CYP4Z1: variants seen among roughly 807,000 people sequenced by gnomAD.
The protein encoded by CYP4Z1 is cytochrome P450 family 4 subfamily Z member 1.
In CYP4Z1, 41 loss-of-function variants were observed where a neutral mutation model predicts 54.2. That is an observed-to-expected ratio of 0.76 (90% CI 0.59 to 0.98). The LOEUF (loss-of-function observed/expected upper bound fraction) is 0.98. Among genes scored for constraint, CYP4Z1 ranks in the 50% least tolerant of loss-of-function variants. CYP4Z1 has a pLI of 0.00. For missense variants in CYP4Z1, 513 were observed against 599.0 expected, an observed-to-expected ratio of 0.86 and a Z score of 1.50; for synonymous variants, 163 against 206.2, an observed-to-expected ratio of 0.79 and a Z score of 1.79.
At chr1:47,116,839 A>G (rs1213188018) in intron 11 of CYP4Z1, 107 bp downstream of exon 11, 12 of 789,586 alleles carry the variant, frequency 1.5e-5, no homozygotes, top group Middle Eastern at 2.4e-4. Context: ...GTTGCTCCCC[A>G]TTATTTTACC....
the CYP4Z1 span, among the ~76,000 whole-genome samples, chr1:47,055,737 TTTC>T: frequency 6.6e-6 from 1 of 152,208 alleles, no homozygotes; most frequent in Non-Finnish European, 1.5e-5. Flanking sequence ...CTGATGGTAG[TTTC>T]TATTTCTGTG....
chr1:47,089,341 C>T (rs1444638934), intron 6 of CYP4Z1, among the ~76,000 whole-genome samples: 14 of 150,852 alleles, frequency 9.3e-5, no homozygotes, highest in Non-Finnish European at 1.3e-4. Flanking sequence ...TTTTAAGTTC[C>T]GAGGTATATG....
At chr1:47,103,285 T>G (rs1352100504) in intron 8 of CYP4Z1, among the ~76,000 whole-genome samples, 2 of 151,928 alleles carry the variant, frequency 1.3e-5, no homozygotes, top group Admixed American at 6.6e-5. Flanking sequence ...GCTCAAGCAG[T>G]CTTCCTGTTT....
intron 8 of CYP4Z1, among the ~76,000 whole-genome samples, chr1:47,104,711 C>G (rs1392515228): frequency 1.3e-5 from 2 of 152,114 alleles, no homozygotes; most frequent in African/African-American, 4.8e-5. Flanking sequence ...AGGGCAGTCT[C>G]TAGGGCCCTA....
At chr1:47,101,375 T>C (rs1644720304) in intron 8 of CYP4Z1, among the ~76,000 whole-genome samples, 1 of 152,178 alleles carries the variant, frequency 6.6e-6, no homozygotes, top group Admixed American at 6.5e-5. Flanking sequence ...GTTTTTGCTG[T>C]AGGCACTTAT....
intron 9 of CYP4Z1, among the ~76,000 whole-genome samples, chr1:47,112,051 A>G: frequency 6.6e-6 from 1 of 152,186 alleles, no homozygotes; most frequent in Non-Finnish European, 1.5e-5. Flanking sequence ...AACAACTGGA[A>G]ATAAATCAGT....
chr1:47,085,396 C>A (rs1221017509), intron 6 of CYP4Z1, among the ~76,000 whole-genome samples: 1 of 152,122 alleles, frequency 6.6e-6, no homozygotes, highest in Non-Finnish European at 1.5e-5. Flanking sequence ...CTGAGTATTC[C>A]TTTTGCATGG....
In CYP4Z1 at chr1:47,068,643, G is replaced by A. The variant is rs1326871510; in HGVS notation, c.199G>A (p.Glu67Lys). 3 of 1,614,010 alleles carry A rather than the reference G, an allele frequency of 1.9e-6. No individual in the cohort carries two copies. In the Admixed American group the frequency reaches 5.0e-5, roughly 27 times the overall value. ...ACAGTTTTACCCAGTAAAGGAGTTTGAGGTGTATCATAAGCTGATGGAAAA... is the reference window on the plus strand; with the variant it reads ...ACAGTTTTACCCAGTAAAGGAGTTTAAGGTGTATCATAAGCTGATGGAAAA... ...HKEFYPVKEF[E>K]VYHKLMEKYP... Residue 67 changes from glutamate (E) to lysine (K), a missense_variant, in exon 2 of 12, where the codon GAG becomes AAG. Transcript: ENST00000334194.
the CYP4Z1 span, among the ~76,000 whole-genome samples, chr1:47,057,376 A>ATATATATATG: frequency 1.7e-5 from 2 of 117,082 alleles, no homozygotes; most frequent in Non-Finnish European, 3.5e-5. Context: ...ATATATATAT[A>ATATATATATG]TGTATATTCT....
chr1:47,106,966 C>A lies in CYP4Z1; in HGVS notation c.1201+705C>A, dbSNP rs111644540. ...CGAGATGTGTTTCTACAACTTCCTC[C>A]AATTTAACCGTCTTTCAAATATTGG... On this transcript the variant is annotated intron_variant, in intron 9 of 11. Coordinates refer to ENST00000334194, the MANE Select transcript of CYP4Z1 (RefSeq NM_178134.3). 4.6e-3 allele frequency among the ~76,000 whole-genome samples: 705 copies of A among 152,308 alleles called. 5 individuals are homozygous for A. Among genetic ancestry groups the A allele is most frequent in the African/African-American group, 0.016 (663 of 41,572 alleles).
At position 47,083,077 on chromosome 1, in the gene CYP4Z1, G is replaced by A. The variant is rs142111780; in HGVS notation, c.492+616G>A. On this transcript the variant is annotated intron_variant, in intron 4 of 11. Coordinates refer to ENST00000334194, the MANE Select transcript of CYP4Z1 (RefSeq NM_178134.3). ...GTGGTTTTGAGCACACCTAAGGTCC[G>A]TTTCAGGGGTCCTGAATGAGGTGAT... Among the ~76,000 whole-genome samples the A allele has an allele frequency of 8.5e-3, 1,300 of 152,196 alleles. 11 individuals are homozygous for A. The highest frequency in any genetic ancestry group is 0.051 in the South Asian group (246 of 4,810).
At chr1:47,067,094 A>T (rs116082828), upstream of CYP4Z1, among the ~76,000 whole-genome samples, 397 of 152,296 alleles carry the variant, frequency 2.6e-3, 3 homozygotes, top group African/African-American at 9.1e-3. Flanking sequence ...GATAAATTCT[A>T]TCAGAAACAT....
At chr1:47,062,173 C>G in the CYP4Z1 span, among the ~76,000 whole-genome samples, 1 of 152,076 alleles carries the variant, frequency 6.6e-6, no homozygotes, top group Admixed American at 6.5e-5. Flanking sequence ...ATTGGAAGTC[C>G]TGGCCAAAGC....
chr1:47,114,473 C>T lies in CYP4Z1; in HGVS notation c.1202-1056C>T, dbSNP rs532571139. 2.3e-4 allele frequency among the ~76,000 whole-genome samples: 35 copies of T among 152,250 alleles called. No homozygotes were observed. The East Asian group carries it at 4.8e-3, about 21-fold the overall frequency. On this transcript the variant is annotated intron_variant, in intron 9 of 11. Transcript: ENST00000334194. Reference sequence around the variant, plus strand: ...ATCTTATTAAACTAAAGAGCTTCTGCACAGCAAAAGAAATTACCATCAGAG... The same window carrying T: ...ATCTTATTAAACTAAAGAGCTTCTGTACAGCAAAAGAAATTACCATCAGAG...
In CYP4Z1 at chr1:47,106,054, A is replaced by G. The variant is rs570062138; in HGVS notation, c.1068-74A>G. On this transcript the variant is annotated intron_variant, in intron 8 of 11. Coordinates refer to ENST00000334194, the MANE Select transcript of CYP4Z1 (RefSeq NM_178134.3). ...AAATCATTCTCAGTTACAAAAATGG[A>G]GAAAAGCTGGGCTTTCAGTGCAATG... 169 of 1,522,906 alleles carry G rather than the reference A, an allele frequency of 1.1e-4. No individual in the cohort carries two copies. In the South Asian group the frequency reaches 1.7e-3, roughly 16 times the overall value. 94.3% of individuals were successfully genotyped at this position (1,522,906 alleles called of 1,614,324 possible).
At chr1:47,056,461 T>C in the CYP4Z1 span, among the ~76,000 whole-genome samples, 1 of 152,108 alleles carries the variant, frequency 6.6e-6, no homozygotes, top group African/African-American at 2.4e-5. Flanking sequence ...CTGAGTTCAA[T>C]TCCTGGATAT....
At chr1:47,101,899 T>A (rs1436451425) in intron 8 of CYP4Z1, among the ~76,000 whole-genome samples, 1 of 152,138 alleles carries the variant, frequency 6.6e-6, no homozygotes, top group African/African-American at 2.4e-5. Context: ...AAAGTGTATC[T>A]CTTTAGATCT....
intron 8 of CYP4Z1, among the ~76,000 whole-genome samples, chr1:47,102,310 T>A (rs1409392093): frequency 6.6e-6 from 1 of 152,226 alleles, no homozygotes; most frequent in Non-Finnish European, 1.5e-5. Context: ...TTTCTGGTTG[T>A]TTTGTATATA....
intron 9 of CYP4Z1, among the ~76,000 whole-genome samples, chr1:47,107,274 A>G (rs1644763540): frequency 6.6e-6 from 1 of 152,076 alleles, no homozygotes; most frequent in Non-Finnish European, 1.5e-5. Flanking sequence ...GTAAAACTTC[A>G]TCTCTGGTAA....
Sources: allele counts gnomAD v4.1 joint callset (sites outside exome capture counted in the v4.1 genomes callset), GRCh38; gene constraint gnomAD v4.1.1; transcripts MANE v1.5; gene names NCBI Gene and HGNC (gene_info 2026-07-23, HGNC 2026-07-21).